Variants in RGS5 observed in about 807,000 individuals in gnomAD.
RGS5 encodes regulator of G protein signaling 5.
Under a neutral mutation model 18.9 loss-of-function variants are expected in RGS5, and 20 were observed. That is an observed-to-expected ratio of 1.06 (90% CI 0.74 to 1.54). RGS5 has a LOEUF of 1.54. Among genes scored for constraint, RGS5 ranks in the 40% most tolerant of loss-of-function variants. The pLI, the probability that RGS5 is intolerant of heterozygous loss-of-function variation, is 0.00. For synonymous variants in RGS5, 57 were observed against 76.2 expected (o/e 0.75, Z 1.31); for missense variants, 201 against 211.8 (o/e 0.95, Z 0.32).
intron 2 of RGS5, among the ~76,000 whole-genome samples, chr1:163,283,162 G>A (rs1191765234): frequency 6.6e-6 from 1 of 152,024 alleles, no homozygotes; most frequent in Admixed American, 6.6e-5. Flanking sequence ...GGGGGAGGTT[G>A]GTTAATGGCT....
chr1:163,199,801 A>C (rs1048738669), intron 1 of RGS5, among the ~76,000 whole-genome samples: 3 of 151,930 alleles, frequency 2.0e-5, no homozygotes, highest in African/African-American at 4.8e-5. Context: ...TTTTATGTTA[A>C]ATTAATTAAT....
rs906205972 is a variant in RGS5, at chr1:163,231,949, A to T, written c.-280-63581T>A. 2.3e-4 allele frequency among the ~76,000 whole-genome samples: 35 copies of T among 151,514 alleles called. 1 individual carries two copies. Among genetic ancestry groups the T allele is most frequent in the Non-Finnish European group, 4.4e-5 (3 of 68,016 alleles). On this transcript the variant is annotated intron_variant, in intron 2 of 5. Coordinates refer to the RGS5 transcript ENST00000618415. Reference sequence around the variant, plus strand: ...ATGTAGTTTCTGTATTTAAGAGTAAAATCAGAGAGGCTGATATGCAAAGAA... The same window carrying T: ...ATGTAGTTTCTGTATTTAAGAGTAATATCAGAGAGGCTGATATGCAAAGAA...
intron 2 of RGS5, chr1:163,300,620 T>C (rs962026969): frequency 3.3e-5 from 5 of 152,198 alleles, no homozygotes; most frequent in African/African-American, 7.2e-5. Context: ...ATAGCTGTAA[T>C]TGGCCTCAAG....
At chr1:163,243,790 G>A (rs980593569) in intron 2 of RGS5, among the ~76,000 whole-genome samples, 2 of 149,824 alleles carry the variant, frequency 1.3e-5, no homozygotes. Context: ...AAAGAAGGAG[G>A]AGGCATTTAC....
chr1:163,208,116 G>A (rs980534746), intron 1 of RGS5, among the ~76,000 whole-genome samples: 2 of 151,894 alleles, frequency 1.3e-5, no homozygotes, highest in Non-Finnish European at 2.9e-5. Context: ...AACAAAGTGA[G>A]ACCCCATCTC....
In RGS5 at chr1:163,168,332, G is replaced by A; in HGVS notation, c.81C>T (p.Leu27=). 6.2e-7 allele frequency: 1 copy of A among 1,613,828 alleles called. No homozygotes were observed. The highest frequency in any genetic ancestry group is 8.5e-7 in the Non-Finnish European group (1 of 1,179,790). Residue 27 remains leucine (L), a synonymous_variant, in exon 2 of 5, where the codon CTC becomes CTT. Transcript: ENST00000313961. ...KEIKIKLGIL[L]QKPDSVGDLV... Reference sequence around the variant, plus strand: ...GGTCACCAACTGAGTCTGGCTTCTGGAGGAGAATTCCCAACTTGATCTTAA... The same window carrying A: ...GGTCACCAACTGAGTCTGGCTTCTGAAGGAGAATTCCCAACTTGATCTTAA...
chr1:163,312,476 G>T (rs1326412894), intron 1 of RGS5, among the ~76,000 whole-genome samples: 1 of 152,152 alleles, frequency 6.6e-6, no homozygotes, highest in Non-Finnish European at 1.5e-5. Context: ...AGTGGTAGCT[G>T]AACTAAATTT....
chr1:163,185,296 G>T (rs1276011993), intron 1 of RGS5, among the ~76,000 whole-genome samples: 2 of 152,082 alleles, frequency 1.3e-5, no homozygotes, highest in Non-Finnish European at 2.9e-5. Context: ...TTGCATATGG[G>T]AGTCATGGCT....
At chr1:163,226,636 A>T (rs537408756) in intron 2 of RGS5, among the ~76,000 whole-genome samples, 1 of 152,200 alleles carries the variant, frequency 6.6e-6, no homozygotes, top group East Asian at 1.9e-4. Flanking sequence ...ATATGCCAGA[A>T]CTTGACTTTG....
chr1:163,294,698 T>C (rs1385896029), intron 2 of RGS5, among the ~76,000 whole-genome samples: 5 of 152,210 alleles, frequency 3.3e-5, no homozygotes, highest in Admixed American at 3.3e-4. Context: ...TCTTTTCTAT[T>C]GCATGGTCAG....
chr1:163,193,493 T>C (rs1659438995), intron 1 of RGS5, among the ~76,000 whole-genome samples: 2 of 152,242 alleles, frequency 1.3e-5, no homozygotes, highest in South Asian at 2.1e-4. Flanking sequence ...AGGAGCTCTA[T>C]GGTCAGGGTA....
chr1:163,251,341 G>T (rs1337008501), intron 2 of RGS5, among the ~76,000 whole-genome samples: 1 of 152,060 alleles, frequency 6.6e-6, no homozygotes. Flanking sequence ...AAGAAGAGAA[G>T]ATATATTTAG....
intron 2 of RGS5, among the ~76,000 whole-genome samples, chr1:163,164,466 C>T (rs2102397095): frequency 6.6e-6 from 1 of 152,294 alleles, no homozygotes; most frequent in South Asian, 2.1e-4. Flanking sequence ...GCTGGAAGCG[C>T]TGTCTCTCTT....
chr1:163,293,241 A>C (rs770444777), intron 2 of RGS5, among the ~76,000 whole-genome samples: 10 of 152,182 alleles, frequency 6.6e-5, no homozygotes, highest in Non-Finnish European at 1.2e-4. Flanking sequence ...GCTATAAAGA[A>C]CTACCTAAGA....
At chr1:163,211,822 C>T (rs1237476870) in intron 1 of RGS5, 3 of 152,090 alleles carry the variant, frequency 2.0e-5, no homozygotes, top group African/African-American at 7.2e-5. Flanking sequence ...GGTATAATTA[C>T]TCTAATGCTG....
chr1:163,199,561 C>G (rs1257974083), intron 1 of RGS5, among the ~76,000 whole-genome samples: 1 of 152,070 alleles, frequency 6.6e-6, no homozygotes, highest in Non-Finnish European at 1.5e-5. Flanking sequence ...AAAAAAACTT[C>G]TCTTTTTGTT....
chr1:163,251,423 C>T (rs1201046299), intron 2 of RGS5, among the ~76,000 whole-genome samples: 1 of 152,102 alleles, frequency 6.6e-6, no homozygotes, highest in East Asian at 1.9e-4. Context: ...AAATCAACCC[C>T]AATCCCACCA....
chr1:163,228,912 C>A (rs1055939750), intron 2 of RGS5, among the ~76,000 whole-genome samples: 12 of 152,184 alleles, frequency 7.9e-5, no homozygotes, highest in Non-Finnish European at 1.5e-4. Flanking sequence ...GTGAGACCAG[C>A]TCAGCCTGGA....
chr1:163,157,254 T>C (rs536128573), intron 3 of RGS5, among the ~76,000 whole-genome samples: 1 of 152,316 alleles, frequency 6.6e-6, no homozygotes, highest in South Asian at 2.1e-4. Flanking sequence ...ATGTCACTCT[T>C]ATTTAAACTC....
Sources: gnomAD v4.1 joint callset for allele counts (sites outside exome capture counted in the v4.1 genomes callset) on GRCh38, gnomAD v4.1.1 for gene constraint, MANE v1.5 for transcripts, NCBI Gene and HGNC (gene_info 2026-07-23, HGNC 2026-07-21) for gene names.